CC2D2A: variants seen among roughly 807,000 people sequenced by gnomAD.
CC2D2A encodes coiled-coil and C2 domain-containing protein 2A.
In CC2D2A, 155 loss-of-function variants were observed where a neutral mutation model predicts 212.9. The observed-to-expected ratio is 0.73, with a 90% CI of 0.64 to 0.83. CC2D2A has a LOEUF of 0.83. Ranked by LOEUF, CC2D2A falls within the 40% of genes least tolerant of loss-of-function variation. The probability of loss-of-function intolerance (pLI) is 0.00; values close to 1 mark genes in which losing one functional copy is unlikely to be tolerated. For synonymous variants in CC2D2A, 667 were observed against 686.5 expected, an observed-to-expected ratio of 0.97 and a Z score of 0.44; for missense variants, 1,856 against 1,956.2, an observed-to-expected ratio of 0.95 and a Z score of 0.97.
At chr4:15,482,387 T>G (rs192363733) in intron 4 of CC2D2A, 1 of 741,830 alleles carries the variant, frequency 1.3e-6, no homozygotes, top group Non-Finnish European at 1.6e-6. Context: ...CACCCAACAT[T>G]TATTTTCTCA....
intron 31 of CC2D2A, 130 bp downstream of exon 31, chr4:15,586,376 A>G (rs1406438469): frequency 3.8e-6 from 2 of 522,822 alleles, no homozygotes; most frequent in Admixed American, 3.6e-5. Context: ...TAGTAATATG[A>G]GCTAAATTTT....
chr4:15,563,260 T>C, intron 23 of CC2D2A, 95 bp from the exon 24 acceptor site: 3 of 1,208,412 alleles, frequency 2.5e-6, no homozygotes, highest in Non-Finnish European at 3.4e-6. Context: ...TTCAGGGGCG[T>C]GTGCAGGACC....
intron 23 of CC2D2A, among the ~76,000 whole-genome samples, chr4:15,561,175 T>A (rs568782342): frequency 6.6e-6 from 1 of 152,214 alleles, no homozygotes; most frequent in Non-Finnish European, 1.5e-5. Flanking sequence ...ATTTGCTTGA[T>A]TGACTCATTA....
chr4:15,536,275 A>G (rs1452425673), intron 14 of CC2D2A, among the ~76,000 whole-genome samples: 2 of 95,786 alleles, frequency 2.1e-5, no homozygotes, highest in African/African-American at 8.3e-5. Context: ...ACGTGGACAC[A>G]GGGCGGGGAA....
intron 9 of CC2D2A, 57 bp from the exon 10 acceptor site, chr4:15,515,811 G>A: frequency 1.4e-6 from 2 of 1,469,768 alleles, no homozygotes; most frequent in Admixed American, 2.2e-5. Flanking sequence ...CCAAACTGCA[G>A]TTTGAGATAT....
intron 17 of CC2D2A, among the ~76,000 whole-genome samples, chr4:15,544,371 A>G (rs1406574128): frequency 3.3e-5 from 5 of 152,122 alleles, no homozygotes; most frequent in African/African-American, 7.2e-5. Flanking sequence ...TCCATCATCA[A>G]CTCATCCTCC....
chr4:15,557,554 T>C lies in CC2D2A; in HGVS notation c.2829+47T>C, dbSNP rs750724273. 3 of 1,323,174 alleles carry C rather than the reference T, an allele frequency of 2.3e-6. 1 individual carries two copies. The South Asian group carries it at 3.9e-5, about 17-fold the overall frequency. 82.0% of individuals were successfully genotyped at this position (1,323,174 alleles called of 1,614,324 possible). A position where few individuals can be genotyped will look rare whatever the true frequency, so the allele number is the denominator to read the frequency against. ...GTTAATAAAATAATAAAGTACCTAC[T>C]GTGCTGTTAGGTATACTACTGTATA... On this transcript the variant is annotated intron_variant, in intron 21 of 36. Transcript: ENST00000424120.
intron 6 of CC2D2A, among the ~76,000 whole-genome samples, chr4:15,504,881 C>T (rs1280447126): frequency 6.6e-6 from 1 of 152,196 alleles, no homozygotes; most frequent in South Asian, 2.1e-4. Context: ...GTTCAATATA[C>T]TGTTCATCAA....
chr4:15,540,824 T>C lies in CC2D2A; in HGVS notation c.2004-13T>C. 1.9e-6 allele frequency: 3 copies of C among 1,589,766 alleles called. No individual in the cohort carries two copies. Among genetic ancestry groups the C allele is most frequent in the Non-Finnish European group, 2.6e-6 (3 of 1,167,542 alleles). On this transcript the variant is annotated splice_polypyrimidine_tract_variant and intron_variant, in intron 16 of 36. Coordinates refer to ENST00000424120, the MANE Select transcript of CC2D2A (RefSeq NM_001378615.1). Reference sequence around the variant, plus strand: ...TATTACTAACTCCACCTGTGAATGGTCTCCTTTTGCAGAGCGGAGGTCTCG... The same window carrying C: ...TATTACTAACTCCACCTGTGAATGGCCTCCTTTTGCAGAGCGGAGGTCTCG...
In CC2D2A at chr4:15,557,417, T is replaced by C; in HGVS notation, c.2739T>C (p.Leu913=). 1.9e-6 allele frequency: 3 copies of C among 1,613,534 alleles called. No individual in the cohort carries two copies. Among genetic ancestry groups the C allele is most frequent in the Non-Finnish European group, 1.7e-6 (2 of 1,179,664 alleles). ...TAAATAGATCCAAACGATTTAGGCTTCTTCATCTTAGAAGCCAAGAGGTGC... is the reference window on the plus strand; with the variant it reads ...TAAATAGATCCAAACGATTTAGGCTCCTTCATCTTAGAAGCCAAGAGGTGC... The part of the protein sequence containing the change: ...QELNRSKRFR[L]LHLRSQEVPE... The change falls in exon 21 of 37, where the codon CTT becomes CTC. Residue 913 remains leucine (L), a synonymous_variant. Transcript: ENST00000424120.
chr4:15,513,080 T>A (rs1484949969), intron 8 of CC2D2A, among the ~76,000 whole-genome samples: 1 of 152,160 alleles, frequency 6.6e-6, no homozygotes, highest in Admixed American at 6.5e-5. Context: ...TCACTTACAA[T>A]CTCCTCCCTT....
rs780848165 is a variant in CC2D2A at position 15,519,280 on chromosome 4, T to A, written c.1149+2524T>A. ...TTGCTAAAATATAACAAGTCACATTTGCTCCAGTTCCCAACAAGTTCCTCA... is the reference window on the plus strand; with the variant it reads ...TTGCTAAAATATAACAAGTCACATTAGCTCCAGTTCCCAACAAGTTCCTCA... On this transcript the variant is annotated intron_variant, in intron 11 of 36. Transcript: ENST00000424120. 29 of 384,988 alleles carry A rather than the reference T, an allele frequency of 7.5e-5. 2 individuals carry two copies. The highest frequency in any genetic ancestry group is 8.6e-4 in the Middle Eastern group (1 of 1,162). The allele number at this position is 384,988 out of a possible 1,614,324, so 23.8% of individuals were successfully genotyped here.
At chr4:15,554,966 T>G in intron 19 of CC2D2A, 106 bp from the exon 20 acceptor site, 1 of 1,102,998 alleles carries the variant, frequency 9.1e-7, no homozygotes, top group Non-Finnish European at 1.3e-6. Context: ...TTTTCTCTCA[T>G]GGAGGATAAT....
intron 35 of CC2D2A, among the ~76,000 whole-genome samples, chr4:15,598,802 C>T (rs187477957): frequency 2.0e-5 from 3 of 152,278 alleles, no homozygotes; most frequent in East Asian, 1.9e-4. Flanking sequence ...CTACTTCTTA[C>T]GCCTGTGTCT....
intron 13 of CC2D2A, among the ~76,000 whole-genome samples, chr4:15,530,538 T>A (rs1239628037): frequency 6.6e-6 from 1 of 152,162 alleles, no homozygotes; most frequent in Non-Finnish European, 1.5e-5. Context: ...TCTTTATTGG[T>A]CACTATTTGA....
At chr4:15,502,387 CTTTTTTTTTTA>C (rs761013182) in intron 4 of CC2D2A, 31 bp from the exon 5 acceptor site, 2 of 1,259,704 alleles carry the variant, frequency 1.6e-6, no homozygotes, top group Admixed American at 5.3e-5. Flanking sequence ...TTTTCTTTTT[CTTTTTTTTTTA>C]TTTTGTTTTG....
At chr4:15,484,942 C>T (rs1404431084) in intron 4 of CC2D2A, among the ~76,000 whole-genome samples, 1 of 152,126 alleles carries the variant, frequency 6.6e-6, no homozygotes, top group Non-Finnish European at 1.5e-5. Context: ...TTCCTCTCAG[C>T]TGGTTCTACT....
In CC2D2A at chr4:15,502,439, A is replaced by G. The variant is rs199909714; in HGVS notation, c.258A>G (p.Pro86=). 3.2e-5 allele frequency: 51 copies of G among 1,602,416 alleles called. No individual in the cohort carries two copies. Among genetic ancestry groups the G allele is most frequent in the Non-Finnish European group, 4.1e-5 (48 of 1,176,762 alleles). Residue 86 remains proline, a synonymous_variant, in exon 5 of 37, where the codon CCA becomes CCG. Coordinates refer to ENST00000424120, the MANE Select transcript of CC2D2A (RefSeq NM_001378615.1). ...GTTTTTGTTTTTTAGGCTTACCTCC[A>G]ATTCCTTCAACTTCCAGAACAGGCT... ...TVRRGPRSLP[P]IPSTSRTGFA...
intron 31 of CC2D2A, 81 bp downstream of exon 31, chr4:15,586,327 T>C (rs1577396495): frequency 2.0e-5 from 16 of 819,790 alleles, no homozygotes; most frequent in African/African-American, 1.2e-4. Flanking sequence ...TAATTTTAAA[T>C]TGCAACATTC....
Sources: gnomAD v4.1 joint callset for allele counts (sites outside exome capture counted in the v4.1 genomes callset) on GRCh38, gnomAD v4.1.1 for gene constraint, MANE v1.5 for transcripts, NCBI Gene and HGNC (gene_info 2026-07-23, HGNC 2026-07-21) for gene names.